Variants in SBF2 observed in about 807,000 individuals in gnomAD.
SBF2 encodes the protein SET binding factor 2.
Under a neutral mutation model 225.2 loss-of-function variants are expected in SBF2, and 112 were observed. That is an observed-to-expected ratio of 0.50 (90% CI 0.43 to 0.58). The LOEUF is 0.58. Among genes scored for constraint, SBF2 ranks in the 20% least tolerant of loss-of-function variants. The pLI, the probability that SBF2 is intolerant of heterozygous loss-of-function variation, is 0.00. For synonymous variants in SBF2, 763 were observed against 773.3 expected (o/e 0.99, Z 0.22); for missense variants, 1,996 against 2,206.2 (o/e 0.90, Z 1.91).
chr11:9,968,650 A>G (rs1390289906), intron 13 of SBF2, 105 bp from the exon 14 acceptor site: 5 of 865,066 alleles, frequency 5.8e-6, no homozygotes, highest in South Asian at 1.3e-5. Context: ...GTAGTTATAC[A>G]TACATTCATA....
chr11:9,861,966 G>A (rs1857788959), intron 17 of SBF2, among the ~76,000 whole-genome samples: 1 of 152,170 alleles, frequency 6.6e-6, no homozygotes, highest in African/African-American at 2.4e-5. Context: ...GGCCCAAAGG[G>A]TCAGAACCCA....
chr11:10,167,933 A>C (rs573173215), intron 2 of SBF2, among the ~76,000 whole-genome samples: 6 of 152,312 alleles, frequency 3.9e-5, no homozygotes, highest in African/African-American at 1.4e-4. Context: ...CAGGAGAATC[A>C]CTTGAGTCCC....
intron 1 of SBF2, among the ~76,000 whole-genome samples, chr11:10,205,463 C>T (rs563467338): frequency 2.1e-4 from 32 of 151,908 alleles, no homozygotes; most frequent in African/African-American, 7.5e-4. Flanking sequence ...TTGTAACCCT[C>T]GGAATGGAGG....
chr11:9,806,890 GATAT>G (rs1335153939), intron 32 of SBF2, among the ~76,000 whole-genome samples: 1 of 152,096 alleles, frequency 6.6e-6, no homozygotes, highest in Non-Finnish European at 1.5e-5. Context: ...TGAATTGTAT[GATAT>G]ATATAGTTCA....
intron 9 of SBF2, among the ~76,000 whole-genome samples, chr11:9,994,566 C>A (rs1171283017): frequency 8.4e-6 from 1 of 118,482 alleles, no homozygotes; most frequent in African/African-American, 3.2e-5. Flanking sequence ...AACCCTAAAT[C>A]TATATATGTA....
chr11:10,133,427 C>T (rs1018516892), intron 2 of SBF2, among the ~76,000 whole-genome samples: 11 of 148,020 alleles, frequency 7.4e-5, no homozygotes, highest in Non-Finnish European at 1.6e-4. Context: ...GCATGGCGGG[C>T]TGCAGGTCCC....
chr11:10,055,240 G>A (rs1243273427), intron 2 of SBF2, among the ~76,000 whole-genome samples: 2 of 152,090 alleles, frequency 1.3e-5, no homozygotes, highest in Non-Finnish European at 2.9e-5. Context: ...AACAAAAGAT[G>A]TTGGCATGGA....
intron 3 of SBF2, among the ~76,000 whole-genome samples, chr11:10,042,342 T>G (rs1355111913): frequency 6.6e-6 from 1 of 152,160 alleles, no homozygotes; most frequent in Non-Finnish European, 1.5e-5. Flanking sequence ...CAACCAATAG[T>G]CTGAAAGAGC....
chr11:9,799,364 G>T (rs1355227841), intron 32 of SBF2, among the ~76,000 whole-genome samples: 2 of 152,106 alleles, frequency 1.3e-5, no homozygotes, highest in African/African-American at 4.8e-5. Flanking sequence ...AAGCATCAAG[G>T]TGTATACGCT....
chr11:9,919,629 T>C (rs139275268), intron 16 of SBF2, among the ~76,000 whole-genome samples: 10,917 of 152,238 alleles, frequency 0.072, 470 homozygotes, highest in East Asian at 0.11. Context: ...GTCTGGAATC[T>C]ATAGATAACA....
At chr11:9,987,877 C>T (rs1050267200) in intron 13 of SBF2, among the ~76,000 whole-genome samples, 9 of 152,106 alleles carry the variant, frequency 5.9e-5, no homozygotes, top group South Asian at 2.1e-4. Flanking sequence ...CAATCCTCAT[C>T]GGAATACCAT....
chr11:10,044,247 G>GAA (rs770422545), intron 2 of SBF2, among the ~76,000 whole-genome samples: 3 of 124,176 alleles, frequency 2.4e-5, no homozygotes, highest in African/African-American at 5.8e-5. Context: ...GGCTAATTAA[G>GAA]AAAAAAAAAA....
intron 2 of SBF2, among the ~76,000 whole-genome samples, chr11:10,182,710 T>C (rs1031963029): frequency 6.6e-6 from 1 of 151,994 alleles, no homozygotes; most frequent in Non-Finnish European, 1.5e-5. Flanking sequence ...AGCACCACCA[T>C]GTCCAGCTAA....
chr11:9,984,912 AC>A (rs1343067288), intron 13 of SBF2, among the ~76,000 whole-genome samples: 1 of 152,230 alleles, frequency 6.6e-6, no homozygotes, highest in Non-Finnish European at 1.5e-5. Context: ...AACCACCACT[AC>A]AAGAACTGCT....
intron 16 of SBF2, among the ~76,000 whole-genome samples, chr11:9,900,404 C>T (rs1861628867): frequency 6.6e-6 from 1 of 152,148 alleles, no homozygotes; most frequent in African/African-American, 2.4e-5. Flanking sequence ...GATACCTGCT[C>T]CGCCCTGACT....
chr11:10,135,124 G>C (rs539695937), intron 2 of SBF2, among the ~76,000 whole-genome samples: 1 of 152,318 alleles, frequency 6.6e-6, no homozygotes, highest in South Asian at 2.1e-4. Flanking sequence ...ACACCGCGTT[G>C]AAGTTGCCAA....
chr11:10,279,800 C>A (rs1963270560), intron 1 of SBF2, among the ~76,000 whole-genome samples: 1 of 152,192 alleles, frequency 6.6e-6, no homozygotes, highest in African/African-American at 2.4e-5. Flanking sequence ...CAGGCACGCA[C>A]CACCACGCCT....
intron 1 of SBF2, among the ~76,000 whole-genome samples, chr11:10,256,757 T>C (rs944486450): frequency 4.6e-5 from 7 of 152,146 alleles, no homozygotes; most frequent in Non-Finnish European, 8.8e-5. Flanking sequence ...AGCAATCTCA[T>C]CTCACACCAG....
chr11:9,841,571 G>A (rs1043560676), intron 25 of SBF2, among the ~76,000 whole-genome samples: 2 of 148,830 alleles, frequency 1.3e-5, no homozygotes, highest in Admixed American at 6.7e-5. Context: ...TGCTCTGTCC[G>A]ACCCAGGCTG....
Sources: gnomAD v4.1 joint callset for allele counts (sites outside exome capture counted in the v4.1 genomes callset) on GRCh38, gnomAD v4.1.1 for gene constraint, MANE v1.5 for transcripts, NCBI Gene and HGNC (gene_info 2026-07-23, HGNC 2026-07-21) for gene names.